Variants in DCUN1D2 observed in about 807,000 individuals in gnomAD.
DCUN1D2 encodes the protein defective in cullin neddylation 1 domain containing 2, also known as DCN1-like protein 2.
A neutral mutation model predicts 30.9 loss-of-function variants in DCUN1D2; 29 were observed. The ratio of observed to expected loss-of-function variants is 0.94; its 90% CI spans 0.70 to 1.28. The LOEUF (loss-of-function observed/expected upper bound fraction) is 1.28. Among genes scored for constraint, DCUN1D2 ranks in the 50% most tolerant of loss-of-function variants. The pLI is 0.00. For missense variants in DCUN1D2, 325 were observed against 316.9 expected (o/e 1.03, Z -0.19); for synonymous variants, 121 against 115.3 (o/e 1.05, Z -0.32).
In DCUN1D2 at chr13:113,455,930, A is replaced by G. The variant is rs549622617; in HGVS notation, c.*2099T>C. 5 of 314,332 alleles carry G rather than the reference A, an allele frequency of 1.6e-5. No individual in the cohort carries two copies. The highest frequency in any genetic ancestry group is 8.5e-5 in the African/African-American group (4 of 46,948). The allele number at this position is 314,332 out of a possible 1,614,324, so 19.5% of individuals were successfully genotyped here. On this transcript the variant is annotated 3_prime_UTR_variant, in exon 7 of 7. Transcript: ENST00000478244. ...CAATTTTTGGAAAAGCCTTTGTCCAATGATTAATATTTTGATATCTATTGA... is the reference window on the plus strand; with the variant it reads ...CAATTTTTGGAAAAGCCTTTGTCCAGTGATTAATATTTTGATATCTATTGA...
At chr13:113,471,928 A>G (rs1383784877) in intron 4 of DCUN1D2, among the ~76,000 whole-genome samples, 1 of 152,184 alleles carries the variant, frequency 6.6e-6, no homozygotes, top group Non-Finnish European at 1.5e-5. Context: ...GGGAACACAG[A>G]GCAAAGACCA....
chr13:113,466,825 T>G (rs1264627292), intron 4 of DCUN1D2, among the ~76,000 whole-genome samples: 1 of 141,044 alleles, frequency 7.1e-6, no homozygotes, highest in African/African-American at 2.8e-5. Context: ...TTTTTTTTTT[T>G]TGAGAGAGTC....
chr13:113,481,097 T>C (rs906303794), intron 2 of DCUN1D2, among the ~76,000 whole-genome samples: 3 of 152,204 alleles, frequency 2.0e-5, no homozygotes, highest in African/African-American at 7.2e-5. Flanking sequence ...CAAACTGCTA[T>C]AAAATATACT....
rs1190721113 is a variant in DCUN1D2 at position 113,457,775 on chromosome 13, T to A, written c.*254A>T. The A allele has an allele frequency of 2.3e-6, 1 of 441,970 alleles. No homozygotes were observed. The highest frequency in any genetic ancestry group is 3.5e-5 in the Admixed American group (1 of 28,924). 27.4% of individuals were successfully genotyped at this position (441,970 alleles called of 1,614,324 possible). A position where few individuals can be genotyped will look rare whatever the true frequency, so the allele number is the denominator to read the frequency against. On this transcript the variant is annotated 3_prime_UTR_variant, in exon 7 of 7. Transcript: ENST00000478244. ...GTATTTTGTAAATATTAAAAAATCATGCAGAAATTTCCTAACGCAAAAGCT... is the reference window on the plus strand; with the variant it reads ...GTATTTTGTAAATATTAAAAAATCAAGCAGAAATTTCCTAACGCAAAAGCT...
chr13:113,464,839 C>T (rs1204161074), intron 4 of DCUN1D2, among the ~76,000 whole-genome samples: 2 of 152,248 alleles, frequency 1.3e-5, no homozygotes, highest in Admixed American at 6.5e-5. Context: ...GTGTTTGCTG[C>T]GCAGTCATTA....
At chr13:113,484,591 C>A (rs979036183) in intron 1 of DCUN1D2, among the ~76,000 whole-genome samples, 4 of 151,624 alleles carry the variant, frequency 2.6e-5, no homozygotes, top group Non-Finnish European at 5.9e-5. Context: ...CACAAGCAGG[C>A]ACAAAAAAAC....
rs1438082217 is a variant in DCUN1D2, at chr13:113,464,593, G to A, written c.521-3457C>T. Among the ~76,000 whole-genome samples, 6 of 152,372 alleles carry A rather than the reference G, an allele frequency of 3.9e-5. No homozygotes were observed. In the East Asian group the frequency reaches 5.8e-4, roughly 15 times the overall value. Reference sequence around the variant, plus strand: ...AAGGGACGCTGCGCGTTTCCAGGACGGGGCAGTTGGACGTTGCTGCGGGGG... The same window carrying A: ...AAGGGACGCTGCGCGTTTCCAGGACAGGGCAGTTGGACGTTGCTGCGGGGG... On this transcript the variant is annotated intron_variant, in intron 4 of 6. Transcript: ENST00000478244.
chr13:113,483,331 T>C (rs1287932244), intron 2 of DCUN1D2, among the ~76,000 whole-genome samples: 1 of 152,144 alleles, frequency 6.6e-6, no homozygotes, highest in African/African-American at 2.4e-5. Context: ...TCCCAAAGCC[T>C]CTCTAATCAC....
At chr13:113,490,794 G>T, upstream of DCUN1D2, 1 of 909,860 alleles carries the variant, frequency 1.1e-6, no homozygotes, top group Non-Finnish European at 1.4e-6. This position sits in a 1 kb window ranked among gnomAD's most constrained non-coding sequence, Gnocchi z 5.2. Context: ...CGGCCGCGGG[G>T]ACTCCCACTC....
chr13:113,476,947 C>T (rs1303809370), intron 3 of DCUN1D2, among the ~76,000 whole-genome samples: 1 of 152,170 alleles, frequency 6.6e-6, no homozygotes, highest in African/African-American at 2.4e-5. Flanking sequence ...AACCAGAAGT[C>T]CCCCCATACA....
At chr13:113,470,562 A>C (rs2044484772) in intron 4 of DCUN1D2, among the ~76,000 whole-genome samples, 1 of 152,086 alleles carries the variant, frequency 6.6e-6, no homozygotes, top group Non-Finnish European at 1.5e-5. Context: ...CCAACTCCAC[A>C]GGGGACTCAA....
At chr13:113,473,166 C>T (rs1386193131) in intron 4 of DCUN1D2, among the ~76,000 whole-genome samples, 5 of 150,770 alleles carry the variant, frequency 3.3e-5, no homozygotes, top group African/African-American at 1.2e-4. Flanking sequence ...CTCTGTCCCC[C>T]GTCTCTCTAT....
At chr13:113,465,802 G>A (rs977992209) in intron 4 of DCUN1D2, among the ~76,000 whole-genome samples, 12 of 151,930 alleles carry the variant, frequency 7.9e-5, no homozygotes, top group Non-Finnish European at 1.5e-4. Context: ...GAGTAGCAGG[G>A]ACTACAGGTG....
At chr13:113,484,153 G>A in intron 1 of DCUN1D2, 97 bp from the exon 2 acceptor site, 1 of 1,553,194 alleles carries the variant, frequency 6.4e-7, no homozygotes, top group Non-Finnish European at 8.6e-7. Context: ...CAGAATTAGA[G>A]ACAAAGCCTT....
chr13:113,458,260 T>C lies in DCUN1D2; in HGVS notation c.701-152A>G, dbSNP rs77561296. On this transcript the variant is annotated intron_variant, in intron 6 of 6. Transcript: ENST00000478244. The stretch of plus-strand genomic sequence containing the variant: ...GTTTCACAGAATGAACCAGCCCAAG[T>C]TACCCAGTTCTTTCGCCCTAGCACG... The C allele has an allele frequency of 4.2e-3, 3,045 of 726,572 alleles. 74 individuals carry two copies. The African/African-American group carries it at 0.047, about 11-fold the overall frequency. 45.0% of individuals were successfully genotyped at this position (726,572 alleles called of 1,614,324 possible).
intron 3 of DCUN1D2, among the ~76,000 whole-genome samples, chr13:113,477,409 CAT>C (rs2139722692): frequency 7.5e-6 from 1 of 133,726 alleles, no homozygotes; most frequent in East Asian, 2.0e-4. Flanking sequence ...GTAGATTTTA[CAT>C]GTTACCGTTT....
Position 113,460,106 on chromosome 13 carries a change from G to A in DCUN1D2, c.604-698C>T, listed in dbSNP as rs76843645. Among the ~76,000 whole-genome samples, 7 of 152,318 alleles carry A rather than the reference G, an allele frequency of 4.6e-5. No homozygotes were observed. In the East Asian group the frequency reaches 1.2e-3, roughly 25 times the overall value. ...AGCATTACTGACCTCTGGATATTTC[G>A]AGAGAAGTAATACAGCACATGATGT... On this transcript the variant is annotated intron_variant, in intron 5 of 6. Transcript: ENST00000478244.
At chr13:113,470,806 C>A (rs2044493513) in intron 4 of DCUN1D2, among the ~76,000 whole-genome samples, 1 of 150,326 alleles carries the variant, frequency 6.7e-6, no homozygotes, top group African/African-American at 2.5e-5. Context: ...ACAGAAGACA[C>A]AACTCCACAG....
chr13:113,466,723 G>A (rs1161946214), intron 4 of DCUN1D2, among the ~76,000 whole-genome samples: 1 of 151,912 alleles, frequency 6.6e-6, no homozygotes, highest in African/African-American at 2.4e-5. Flanking sequence ...TCTCTAGCTG[G>A]TTAAGGCTGG....
Sources: allele counts gnomAD v4.1 joint callset (sites outside exome capture counted in the v4.1 genomes callset), GRCh38; gene constraint gnomAD v4.1.1; non-coding constraint Gnocchi (gnomAD v3.1); transcripts MANE v1.5; gene names NCBI Gene and HGNC (gene_info 2026-07-23, HGNC 2026-07-21).